The following CNTN4 variants were observed in gnomAD, a reference collection of about 807,000 sequenced individuals.
The protein encoded by CNTN4 is contactin-4.
A neutral mutation model predicts 122.5 loss-of-function variants in CNTN4; 77 were observed. That is an observed-to-expected ratio of 0.63 (90% CI 0.52 to 0.76). CNTN4 has a LOEUF of 0.76. Among genes scored for constraint, CNTN4 ranks in the 30% least tolerant of loss-of-function variants. The probability of loss-of-function intolerance (pLI) is 0.00; values close to 1 mark genes in which losing one functional copy is unlikely to be tolerated. For missense variants in CNTN4, 1,256 were observed against 1,259.1 expected (o/e 1.00, Z 0.04); for synonymous variants, 512 against 447.0 (o/e 1.15, Z -1.83).
chr3:2,562,639 A>T (rs538736450), intron 3 of CNTN4, among the ~76,000 whole-genome samples: 1 of 152,144 alleles, frequency 6.6e-6, no homozygotes, highest in African/African-American at 2.4e-5. Context: ...ATGGGCACGT[A>T]GGTTGATTCT....
intron 2 of CNTN4, among the ~76,000 whole-genome samples, chr3:2,117,075 G>T (rs965282060): frequency 1.8e-4 from 28 of 152,088 alleles, no homozygotes; most frequent in African/African-American, 6.3e-4. Context: ...GATAGTCTCA[G>T]ATCACAGAGG....
At chr3:2,381,228 G>A (rs1007506874) in intron 3 of CNTN4, among the ~76,000 whole-genome samples, 12 of 151,690 alleles carry the variant, frequency 7.9e-5, no homozygotes, top group Admixed American at 5.3e-4. Context: ...GGATGGTCTC[G>A]ATCTCCTGAC....
At chr3:2,876,236 A>ATGG in intron 8 of CNTN4, among the ~76,000 whole-genome samples, 1 of 152,202 alleles carries the variant, frequency 6.6e-6, no homozygotes, top group South Asian at 2.1e-4. Flanking sequence ...CACCTACTGG[A>ATGG]TGGTGGTGGT....
chr3:2,884,781 G>T (rs942452435), intron 9 of CNTN4, among the ~76,000 whole-genome samples: 1 of 152,074 alleles, frequency 6.6e-6, no homozygotes, highest in African/African-American at 2.4e-5. Flanking sequence ...ACTTCAAAGG[G>T]GGTTATGAAT....
chr3:2,461,290 T>C (rs2151433155), intron 3 of CNTN4, among the ~76,000 whole-genome samples: 1 of 152,328 alleles, frequency 6.6e-6, no homozygotes, highest in South Asian at 2.1e-4. Context: ...CTACTAACTG[T>C]TTTCACTCTT....
intron 3 of CNTN4, among the ~76,000 whole-genome samples, chr3:2,382,815 T>G (rs572826660): frequency 1.1e-4 from 16 of 152,276 alleles, no homozygotes; most frequent in African/African-American, 3.8e-4. Flanking sequence ...GGCTCATGCC[T>G]GTAACCCCAG....
chr3:2,382,354 A>G (rs1398853674), intron 3 of CNTN4, among the ~76,000 whole-genome samples: 1 of 151,910 alleles, frequency 6.6e-6, no homozygotes, highest in Non-Finnish European at 1.5e-5. Context: ...ACTGGGTTTC[A>G]CCATCTTGGC....
chr3:2,771,003 C>T (rs554324641), intron 6 of CNTN4, among the ~76,000 whole-genome samples: 5 of 152,336 alleles, frequency 3.3e-5, no homozygotes, highest in African/African-American at 1.2e-4. Flanking sequence ...TTCCCCTTCA[C>T]TGGTAGTGTC....
intron 4 of CNTN4, among the ~76,000 whole-genome samples, chr3:2,582,336 A>G (rs2079980808): frequency 6.6e-6 from 1 of 152,176 alleles, no homozygotes; most frequent in African/African-American, 2.4e-5. Flanking sequence ...AAGTACACTG[A>G]TTTGTCCAAA....
chr3:2,258,034 G>A (rs2040671885), intron 2 of CNTN4, among the ~76,000 whole-genome samples: 1 of 152,198 alleles, frequency 6.6e-6, no homozygotes, highest in Non-Finnish European at 1.5e-5. Flanking sequence ...TTGCACTCCA[G>A]CCTGGGCAAT....
At chr3:2,826,689 C>T (rs1305093255) in intron 7 of CNTN4, among the ~76,000 whole-genome samples, 1 of 152,184 alleles carries the variant, frequency 6.6e-6, no homozygotes, top group Non-Finnish European at 1.5e-5. Flanking sequence ...GTTAGACTCA[C>T]CCAGTTTCTT....
rs182959104 is a variant in CNTN4, at chr3:2,603,747, C to T, written c.55+32189C>T. Reference sequence around the variant, plus strand: ...TCTTCAACAAAGCTCTATCTACTGTCATGGGGCAGCTTAGTATGACAGAAA... The same window carrying T: ...TCTTCAACAAAGCTCTATCTACTGTTATGGGGCAGCTTAGTATGACAGAAA... On this transcript the variant is annotated intron_variant, in intron 4 of 24. Transcript: ENST00000418658. Among the ~76,000 whole-genome samples the T allele has an allele frequency of 2.6e-5, 4 of 152,298 alleles. No homozygotes were observed. The East Asian group carries it at 7.7e-4, about 29-fold the overall frequency.
intron 3 of CNTN4, among the ~76,000 whole-genome samples, chr3:2,493,772 C>T (rs907629905): frequency 6.6e-6 from 1 of 152,032 alleles, no homozygotes; most frequent in African/African-American, 2.4e-5. Context: ...CTAACCAGAA[C>T]TATTATGGGG....
At chr3:2,847,512 G>T (rs1232129984) in intron 7 of CNTN4, among the ~76,000 whole-genome samples, 1 of 152,206 alleles carries the variant, frequency 6.6e-6, no homozygotes, top group African/African-American at 2.4e-5. Context: ...CACATCAGGA[G>T]GTGATAGCTC....
chr3:2,991,630 C>T (rs953197511), intron 14 of CNTN4, among the ~76,000 whole-genome samples: 5 of 151,970 alleles, frequency 3.3e-5, no homozygotes, highest in African/African-American at 9.7e-5. Flanking sequence ...ATCCACAGTG[C>T]GAGGTCTCCA....
chr3:2,497,777 A>G (rs78402437), intron 3 of CNTN4, among the ~76,000 whole-genome samples: 2,229 of 152,316 alleles, frequency 0.015, 22 homozygotes, highest in South Asian at 0.038. Context: ...AACAGAATCT[A>G]TAACTATTGA....
chr3:2,432,162 C>T (rs987096770), intron 3 of CNTN4, among the ~76,000 whole-genome samples: 1 of 152,172 alleles, frequency 6.6e-6, no homozygotes, highest in African/African-American at 2.4e-5. Flanking sequence ...TCACCATCAC[C>T]CACATTATTT....
chr3:2,555,852 C>T (rs904500139), intron 3 of CNTN4, among the ~76,000 whole-genome samples: 8 of 152,106 alleles, frequency 5.3e-5, no homozygotes, highest in Non-Finnish European at 1.0e-4. Flanking sequence ...GTGGCTGGAA[C>T]GTGGAGAATG....
chr3:3,043,058 A>G lies in CNTN4; in HGVS notation c.2593A>G (p.Thr865Ala). 6.2e-7 allele frequency: 1 copy of G among 1,614,176 alleles called. No homozygotes were observed. The highest frequency in any genetic ancestry group is 8.5e-7 in the Non-Finnish European group (1 of 1,180,002). ...TVGNQTSTKITNLKGSVLYHL... is the reference protein window; with the variant it reads ...TVGNQTSTKIANLKGSVLYHL... ...TGGAAATCAGACATCAACAAAAATCACGAACTTAAAAGGCAGTGTGCTGTA... is the reference window on the plus strand; with the variant it reads ...TGGAAATCAGACATCAACAAAAATCGCGAACTTAAAAGGCAGTGTGCTGTA... The change falls in exon 22 of 25, where the codon ACG becomes GCG. Residue 865 changes from threonine (T) to alanine (A), a missense_variant. Coordinates refer to ENST00000418658, the MANE Select transcript of CNTN4 (RefSeq NM_175607.3).
Sources: allele counts gnomAD v4.1 joint callset (sites outside exome capture counted in the v4.1 genomes callset), GRCh38; gene constraint gnomAD v4.1.1; transcripts MANE v1.5; gene names NCBI Gene and HGNC (gene_info 2026-07-23, HGNC 2026-07-21).